The following GSN variants were observed in gnomAD, a reference collection of about 807,000 sequenced individuals.
GSN encodes the protein gelsolin, also known as actin-depolymerizing factor.
In GSN, 56 loss-of-function variants were observed where a neutral mutation model predicts 85.7. That is an observed-to-expected ratio of 0.65 (90% CI 0.53 to 0.82). The LOEUF is 0.82. Ranked by LOEUF, GSN falls within the 40% of genes least tolerant of loss-of-function variation. The pLI, the probability that GSN is intolerant of heterozygous loss-of-function variation, is 0.00. For missense variants in GSN, 857 were observed against 979.8 expected (o/e 0.87, Z 1.67); for synonymous variants, 373 against 399.1 (o/e 0.93, Z 0.78).
intron 1 of GSN, among the ~76,000 whole-genome samples, chr9:121,279,656 C>T (rs2057105208): frequency 6.6e-6 from 1 of 151,990 alleles, no homozygotes; most frequent in Non-Finnish European, 1.5e-5. Context: ...TGCTGTTTGC[C>T]GAGATGAGGT....
At chr9:121,312,098 A>G (rs961704238) in intron 5 of GSN, 13 of 487,732 alleles carry the variant, frequency 2.7e-5, no homozygotes, top group Non-Finnish European at 4.4e-5. Flanking sequence ...CACACATTCT[A>G]GATGTAGTTG....
intron 5 of GSN, chr9:121,238,836 C>A: frequency 1.9e-6 from 1 of 529,544 alleles, no homozygotes; most frequent in South Asian, 1.4e-5. Flanking sequence ...GGCTTCTTCT[C>A]CAACTACAGC....
At chr9:121,212,032 C>T (rs1484927084) in intron 4 of GSN, among the ~76,000 whole-genome samples, 1 of 152,140 alleles carries the variant, frequency 6.6e-6, no homozygotes, top group Non-Finnish European at 1.5e-5. Flanking sequence ...CAAACCTGGG[C>T]TCCTGTCTCC....
chr9:121,263,928 C>T (rs1018731220), upstream of GSN, among the ~76,000 whole-genome samples: 1 of 150,292 alleles, frequency 6.7e-6, no homozygotes, highest in African/African-American at 2.4e-5. Context: ...CATGAGAACT[C>T]ACCATCATGA....
At chr9:121,246,103 C>T (rs985272841) in intron 5 of GSN, among the ~76,000 whole-genome samples, 2 of 152,050 alleles carry the variant, frequency 1.3e-5, no homozygotes. Flanking sequence ...AGATTTGCCT[C>T]AAAATTATCT....
chr9:121,202,848 C>T (rs898549705), upstream of GSN, among the ~76,000 whole-genome samples: 2 of 152,156 alleles, frequency 1.3e-5, no homozygotes, highest in African/African-American at 2.4e-5. Flanking sequence ...GTAAGCCGGC[C>T]GGGCGCGGTG....
chr9:121,317,152 G>A lies in GSN; in HGVS notation c.820G>A (p.Ala274Thr), dbSNP rs1189708434. The A allele has an allele frequency of 2.5e-6, 4 of 1,614,138 alleles. No individual in the cohort carries two copies. Among genetic ancestry groups the A allele is most frequent in the Admixed American group, 1.7e-5 (1 of 60,030 alleles). ...TGATGAGAACCCCTTCGCCCAGGGGGCCCTGAAGTCAGAGGACTGCTTCAT... is the reference window on the plus strand; with the variant it reads ...TGATGAGAACCCCTTCGCCCAGGGGACCCTGAAGTCAGAGGACTGCTTCAT... ...VADENPFAQG[A>T]LKSEDCFILD... Residue 274 changes from alanine (A) to threonine (T), a missense_variant, in exon 8 of 18, where the codon GCC (alanine) becomes ACC (threonine). Transcript: ENST00000432226.
chr9:121,243,226 G>A (rs144755784), intron 5 of GSN, among the ~76,000 whole-genome samples: 10 of 152,216 alleles, frequency 6.6e-5, no homozygotes, highest in Admixed American at 2.0e-4. Flanking sequence ...TCATCTTCAA[G>A]GCCAGCCACG....
In GSN at chr9:121,318,879, A is replaced by G. The variant is rs368537807; in HGVS notation, c.1190A>G (p.Gln397Arg). ...GATGACGATGGCACAGGCCAGAAAC[A>G]GGTACGTTTAGGGCGTGGGGTGGGT... The part of the protein sequence containing the change: ...GMDDDGTGQK[Q>R]IWRIEGSNKV... The change falls in exon 10 of 18, where the codon CAG becomes CGG. Residue 397 changes from glutamine to arginine, a missense_variant and splice_region_variant. Gln to Arg is a conservative substitution (Grantham distance 43). Coordinates refer to ENST00000432226, the MANE Select transcript of GSN (RefSeq NM_198252.3). This position sits in a 1 kb window ranked among gnomAD's most constrained non-coding sequence, Gnocchi z 4.3. 1.7e-5 allele frequency: 27 copies of G among 1,611,474 alleles called. No individual in the cohort carries two copies. The African/African-American group carries it at 3.6e-4, about 22-fold the overall frequency.
At chr9:121,264,686 T>C (rs2055162005), upstream of GSN, among the ~76,000 whole-genome samples, 1 of 152,204 alleles carries the variant, frequency 6.6e-6, no homozygotes, top group Admixed American at 6.5e-5. Context: ...TCCACTCTTA[T>C]TCTTTCCATC....
At position 121,312,651 on chromosome 9, in the gene GSN, G is replaced by A. The variant is rs1334608411; in HGVS notation, c.663+163G>A. 3 of 627,014 alleles carry A rather than the reference G, an allele frequency of 4.8e-6. No individual in the cohort carries two copies. In the South Asian group the frequency reaches 7.1e-5, roughly 15 times the overall value. The allele number at this position is 627,014 out of a possible 1,614,324, so 38.8% of individuals were successfully genotyped here. A position where few individuals can be genotyped will look rare whatever the true frequency, so the allele number is the denominator to read the frequency against. Reference sequence around the variant, plus strand: ...TTTTTTATTTTAATTTTTGAGACAGGATCTTATTCATTGTTGCCTGAGCTG... The same window carrying A: ...TTTTTTATTTTAATTTTTGAGACAGAATCTTATTCATTGTTGCCTGAGCTG... On this transcript the variant is annotated intron_variant, in intron 6 of 17. Coordinates refer to ENST00000432226, the MANE Select transcript of GSN (RefSeq NM_198252.3).
At chr9:121,283,297 TTTTC>T (rs1189631029) in intron 2 of GSN, 2 of 149,084 alleles carry the variant, frequency 1.3e-5, no homozygotes, top group Non-Finnish European at 3.2e-5. Context: ...CTTTCTTTCT[TTTTC>T]TTTTTTTTTT....
chr9:121,252,333 T>C (rs1371881744), intron 6 of GSN, among the ~76,000 whole-genome samples: 1 of 151,906 alleles, frequency 6.6e-6, no homozygotes, highest in East Asian at 1.9e-4. Flanking sequence ...GCTTGGGGAG[T>C]TGGGAGAAGA....
In GSN at chr9:121,332,620, C is replaced by T. The variant is rs781360178; in HGVS notation, c.*17C>T. The T allele has an allele frequency of 1.9e-6, 3 of 1,605,332 alleles. No individual in the cohort carries two copies. Among genetic ancestry groups the T allele is most frequent in the Admixed American group, 3.4e-5 (2 of 59,296 alleles). On this transcript the variant is annotated 3_prime_UTR_variant, in exon 18 of 18. Transcript: ENST00000432226. The surrounding 1 kb of genome is among the most constrained non-coding windows in gnomAD (Gnocchi z 4.8). ...GCTGCCTGAGGAGGGGCAGGGCCCA[C>T]CCATGTCACCGGTCAGTGCCTTTTG...
At position 121,224,249 on chromosome 9, in the gene GSN, A is replaced by C. The variant is rs184240215; in HGVS notation, c.-527-6916A>C. Reference sequence around the variant, plus strand: ...GTAGCTGGGACTACAGGCGCCCGTCACCACGCCCGGCTAATTTTTTAAAAA... The same window carrying C: ...GTAGCTGGGACTACAGGCGCCCGTCCCCACGCCCGGCTAATTTTTTAAAAA... On this transcript the variant is annotated intron_variant, in intron 4 of 24. Transcript: ENST00000373823. Among the ~76,000 whole-genome samples, 5 of 152,096 alleles carry C rather than the reference A, an allele frequency of 3.3e-5. No individual in the cohort carries two copies. The East Asian group carries it at 9.7e-4, about 30-fold the overall frequency.
At chr9:121,279,645 G>A (rs2057104306) in intron 1 of GSN, among the ~76,000 whole-genome samples, 1 of 152,106 alleles carries the variant, frequency 6.6e-6, no homozygotes, top group Non-Finnish European at 1.5e-5. Flanking sequence ...GTGGATGGTA[G>A]TGCTGTTTGC....
chr9:121,254,129 A>G (rs2054897243), intron 6 of GSN, among the ~76,000 whole-genome samples: 1 of 152,250 alleles, frequency 6.6e-6, no homozygotes. Flanking sequence ...CCAAAAAAGA[A>G]AAAAGATCAT....
At chr9:121,274,566 A>T (rs1331078593) in intron 1 of GSN, among the ~76,000 whole-genome samples, 1 of 152,220 alleles carries the variant, frequency 6.6e-6, no homozygotes, top group Admixed American at 6.5e-5. Flanking sequence ...TTATTCAGGA[A>T]CATTGCCTTG....
chr9:121,204,271 G>A (rs1249975047), upstream of GSN, among the ~76,000 whole-genome samples: 1 of 152,204 alleles, frequency 6.6e-6, no homozygotes, highest in Non-Finnish European at 1.5e-5. Context: ...TCGTTTAGGT[G>A]AAAATTGGGT....
Sources: gnomAD v4.1 joint callset for allele counts (sites outside exome capture counted in the v4.1 genomes callset) on GRCh38, gnomAD v4.1.1 for gene constraint, Gnocchi (gnomAD v3.1) non-coding constraint, MANE v1.5 for transcripts, NCBI Gene and HGNC (gene_info 2026-07-23, HGNC 2026-07-21) for gene names.